Variants in DLG2 observed in about 807,000 individuals in gnomAD.
The protein encoded by DLG2 is disks large homolog 2.
A neutral mutation model predicts 132.5 loss-of-function variants in DLG2; 45 were observed. The ratio of observed to expected loss-of-function variants is 0.34; its 90% CI spans 0.27 to 0.44. DLG2 has a LOEUF of 0.44. Among genes scored for constraint, DLG2 ranks in the 20% least tolerant of loss-of-function variants. The probability of loss-of-function intolerance (pLI) is 1.00; values close to 1 mark genes in which losing one functional copy is unlikely to be tolerated. For synonymous variants in DLG2, 424 were observed against 419.6 expected (o/e 1.01, Z -0.13); for missense variants, 1,045 against 1,196.9 (o/e 0.87, Z 1.87).
At chr11:84,124,822 T>C (rs1315732026) in intron 9 of DLG2, among the ~76,000 whole-genome samples, 2 of 151,950 alleles carry the variant, frequency 1.3e-5, no homozygotes, top group Non-Finnish European at 1.5e-5. Context: ...AGAAATCATA[T>C]TTGTTGAGAA....
chr11:84,185,870 T>A (rs551774538), intron 8 of DLG2, among the ~76,000 whole-genome samples: 25 of 152,284 alleles, frequency 1.6e-4, no homozygotes, highest in African/African-American at 6.0e-4. Flanking sequence ...AAAAACAAAT[T>A]CAGTCTTTTG....
intron 8 of DLG2, among the ~76,000 whole-genome samples, chr11:84,205,417 T>C (rs2096652429): frequency 6.6e-6 from 1 of 152,148 alleles, no homozygotes; most frequent in Non-Finnish European, 1.5e-5. Flanking sequence ...ACACTCAGTA[T>C]ATGCATAATA....
chr11:83,730,046 G>A (rs1296503769), intron 18 of DLG2, among the ~76,000 whole-genome samples: 1 of 151,126 alleles, frequency 6.6e-6, no homozygotes, highest in Non-Finnish European at 1.5e-5. Flanking sequence ...AAAAATACAA[G>A]AGATTTTTAA....
intron 8 of DLG2, among the ~76,000 whole-genome samples, chr11:84,232,482 C>T (rs2097106383): frequency 6.6e-6 from 1 of 152,130 alleles, no homozygotes; most frequent in African/African-American, 2.4e-5. Context: ...AAATTTTACC[C>T]CCCTAAAATT....
intron 5 of DLG2, among the ~76,000 whole-genome samples, chr11:85,124,087 A>T (rs1365699371): frequency 6.6e-6 from 1 of 152,232 alleles, no homozygotes; most frequent in African/African-American, 2.4e-5. Flanking sequence ...GAGAAAGAGG[A>T]GAGGGAACAG....
chr11:83,645,257 C>A (rs1470155799), intron 18 of DLG2, among the ~76,000 whole-genome samples: 1 of 152,120 alleles, frequency 6.6e-6, no homozygotes, highest in Non-Finnish European at 1.5e-5. Flanking sequence ...GACACTGAGT[C>A]CATGTTGGGA....
In DLG2 at chr11:84,789,872, T is replaced by C. The variant is rs150018972; in HGVS notation, c.358-255141A>G. On this transcript the variant is annotated intron_variant, in intron 6 of 27. Transcript: ENST00000376104. ...TGTGCCTGGCCTATTTCACTTAATA[T>C]AATGACCTCCAATTCTATCCATGTT... 5.0e-4 allele frequency among the ~76,000 whole-genome samples: 76 copies of C among 152,302 alleles called. No homozygotes were observed. In the East Asian group the frequency reaches 0.012, roughly 23 times the overall value.
intron 4 of DLG2, among the ~76,000 whole-genome samples, chr11:85,216,264 T>C (rs1254938743): frequency 6.6e-6 from 1 of 152,156 alleles, no homozygotes; most frequent in South Asian, 2.1e-4. Flanking sequence ...AAATAGCCAG[T>C]CTTGACCCCT....
intron 6 of DLG2, among the ~76,000 whole-genome samples, chr11:84,765,025 C>G (rs1332236732): frequency 6.6e-6 from 1 of 152,006 alleles, no homozygotes; most frequent in African/African-American, 2.4e-5. Context: ...GAAAGTGATG[C>G]CTTCTTTCCT....
chr11:84,350,925 C>T (rs1349287191), intron 7 of DLG2, among the ~76,000 whole-genome samples: 1 of 152,048 alleles, frequency 6.6e-6, no homozygotes, highest in Non-Finnish European at 1.5e-5. Flanking sequence ...TCAATGTTTT[C>T]CTATTCCTAT....
At chr11:84,594,359 A>T (rs2099551203) in intron 6 of DLG2, among the ~76,000 whole-genome samples, 1 of 152,192 alleles carries the variant, frequency 6.6e-6, no homozygotes, top group Non-Finnish European at 1.5e-5. Context: ...ATGCCTCAAC[A>T]TTTATTGAGC....
chr11:85,051,403 G>A lies in DLG2; in HGVS notation c.357+60258C>T, dbSNP rs867287650. Among the ~76,000 whole-genome samples, 5 of 152,070 alleles carry A rather than the reference G, an allele frequency of 3.3e-5. No individual in the cohort carries two copies. The South Asian group carries it at 1.0e-3, about 32-fold the overall frequency. On this transcript the variant is annotated intron_variant, in intron 6 of 27. Transcript: ENST00000376104. ...TATACTATATAAATTCCCTCCCCAA[G>A]AAATGAAATATAAATTTAAAATGTA...
intron 17 of DLG2, among the ~76,000 whole-genome samples, chr11:83,796,328 C>G (rs998447127): frequency 1.3e-5 from 2 of 152,230 alleles, no homozygotes; most frequent in African/African-American, 4.8e-5. Context: ...CAAAACAGTT[C>G]TTTGTGTTGA....
chr11:83,972,762 G>C (rs896331914), intron 12 of DLG2, among the ~76,000 whole-genome samples: 20 of 152,106 alleles, frequency 1.3e-4, no homozygotes, highest in African/African-American at 4.3e-4. Context: ...AGAGAGTAAA[G>C]CAATAAGAAT....
At chr11:84,722,430 T>C (rs1447593020) in intron 6 of DLG2, among the ~76,000 whole-genome samples, 1 of 152,208 alleles carries the variant, frequency 6.6e-6, no homozygotes, top group Non-Finnish European at 1.5e-5. Flanking sequence ...ACATACCAAC[T>C]TGTAAACCTT....
chr11:83,484,457 G>A (rs2093366019), intron 21 of DLG2, among the ~76,000 whole-genome samples: 1 of 152,018 alleles, frequency 6.6e-6, no homozygotes, highest in Non-Finnish European at 1.5e-5. Flanking sequence ...ACTGGTTACA[G>A]ATAAATGGTG....
At chr11:83,478,770 T>G (rs548544053) in intron 22 of DLG2, among the ~76,000 whole-genome samples, 4 of 152,002 alleles carry the variant, frequency 2.6e-5, no homozygotes, top group African/African-American at 9.7e-5. Flanking sequence ...CACTTGAAAA[T>G]TGAAAACTGA....
chr11:85,511,724 C>CTTTTT (rs35942548), intron 3 of DLG2, among the ~76,000 whole-genome samples: 1 of 146,456 alleles, frequency 6.8e-6, no homozygotes, highest in Non-Finnish European at 1.5e-5. Flanking sequence ...TTTGAAGTTT[C>CTTTTT]TTTTTTTTTT....
intron 3 of DLG2, among the ~76,000 whole-genome samples, chr11:85,497,011 T>C (rs2093682495): frequency 6.6e-6 from 1 of 151,938 alleles, no homozygotes; most frequent in Admixed American, 6.6e-5. Context: ...AAAACCAGAA[T>C]GCCTCTTCTC....
Sources: allele counts gnomAD v4.1 joint callset (sites outside exome capture counted in the v4.1 genomes callset), GRCh38; gene constraint gnomAD v4.1.1; transcripts MANE v1.5; gene names NCBI Gene and HGNC (gene_info 2026-07-23, HGNC 2026-07-21).